NRG1: variants seen among roughly 807,000 people sequenced by gnomAD.
The protein encoded by NRG1 is neuregulin 1, also known as pro-neuregulin-1, membrane-bound isoform.
A neutral mutation model predicts 63.8 loss-of-function variants in NRG1; 18 were observed. The ratio of observed to expected loss-of-function variants is 0.28; its 90% CI spans 0.19 to 0.42. The LOEUF (loss-of-function observed/expected upper bound fraction) is 0.42, where lower values mean the gene tolerates loss of function less well. Ranked by LOEUF, NRG1 falls within the 10% of genes least tolerant of loss-of-function variation. The pLI, the probability that NRG1 is intolerant of heterozygous loss-of-function variation, is 1.00. For missense variants in NRG1, 762 were observed against 814.7 expected (o/e 0.94, Z 0.79); for synonymous variants, 302 against 301.3 (o/e 1.00, Z -0.02).
At chr8:31,982,562 A>G (rs1809321632) in intron 1 of NRG1, among the ~76,000 whole-genome samples, 1 of 152,050 alleles carries the variant, frequency 6.6e-6, no homozygotes, top group Admixed American at 6.6e-5. Context: ...AGGGATTTGG[A>G]GCATCTGGAG....
At chr8:32,017,915 C>T (rs776566553) in intron 1 of NRG1, among the ~76,000 whole-genome samples, 3 of 152,120 alleles carry the variant, frequency 2.0e-5, no homozygotes, top group Non-Finnish European at 4.4e-5. Context: ...CAGCCTGTCT[C>T]CCATCCCTGG....
intron 1 of NRG1, among the ~76,000 whole-genome samples, chr8:32,284,476 T>TG (rs1334930645): frequency 2.1e-4 from 29 of 140,218 alleles, no homozygotes; most frequent in African/African-American, 8.0e-4. Context: ...AATGCTTGCC[T>TG]CCCTGCCTGC....
At chr8:32,750,710 CAAA>C (rs34624230) in intron 7 of NRG1, among the ~76,000 whole-genome samples, 6 of 124,330 alleles carry the variant, frequency 4.8e-5, no homozygotes, top group Non-Finnish European at 6.6e-5. Flanking sequence ...ATTTCTTCCT[CAAA>C]AAAAAAAAAA....
intron 7 of NRG1, among the ~76,000 whole-genome samples, chr8:32,744,779 T>G (rs2129042722): frequency 6.6e-6 from 1 of 152,286 alleles, no homozygotes; most frequent in South Asian, 2.1e-4. Context: ...ATTATGTAGT[T>G]AGATCTGACA....
At chr8:32,542,059 T>TA (rs1438947107) in intron 1 of NRG1, among the ~76,000 whole-genome samples, 2 of 152,192 alleles carry the variant, frequency 1.3e-5, no homozygotes, top group Non-Finnish European at 2.9e-5. Flanking sequence ...ATCACTTTGT[T>TA]AGAGTATCTT....
chr8:32,372,427 C>T (rs977780253), intron 1 of NRG1, among the ~76,000 whole-genome samples: 1 of 152,086 alleles, frequency 6.6e-6, no homozygotes, highest in Non-Finnish European at 1.5e-5. Context: ...AAGTCACAAC[C>T]TAGATTGCAG....
intron 1 of NRG1, among the ~76,000 whole-genome samples, chr8:31,923,387 TG>T (rs1834073928): frequency 6.6e-6 from 1 of 152,172 alleles, no homozygotes; most frequent in South Asian, 2.1e-4. Context: ...ATATGACTTT[TG>T]AGAATACATT....
chr8:31,756,292 C>T (rs551365152), intron 1 of NRG1, among the ~76,000 whole-genome samples: 82 of 152,208 alleles, frequency 5.4e-4, no homozygotes, highest in African/African-American at 1.9e-3. Context: ...CTGTTATTTA[C>T]CCATCTCTGT....
chr8:32,233,563 A>ATATATATATATATATATT (rs34593729), intron 1 of NRG1, among the ~76,000 whole-genome samples: 1 of 67,254 alleles, frequency 1.5e-5, no homozygotes, highest in African/African-American at 7.8e-5. Flanking sequence ...ATATATATAT[A>ATATATATATATATATATT]TTTTTTTTTT....
chr8:32,458,019 G>A (rs1443910112), intron 1 of NRG1, among the ~76,000 whole-genome samples: 2 of 152,004 alleles, frequency 1.3e-5, no homozygotes, highest in Non-Finnish European at 2.9e-5. Context: ...CGGAATTCAA[G>A]CGATTCTCCT....
intron 1 of NRG1, among the ~76,000 whole-genome samples, chr8:31,831,551 T>A (rs1253821374): frequency 3.3e-5 from 5 of 152,206 alleles, no homozygotes; most frequent in Non-Finnish European, 7.3e-5. Context: ...AATTTATATA[T>A]CCTTATAATA....
At chr8:31,744,511 G>T (rs927315994) in intron 1 of NRG1, among the ~76,000 whole-genome samples, 1 of 151,976 alleles carries the variant, frequency 6.6e-6, no homozygotes, top group Non-Finnish European at 1.5e-5. Flanking sequence ...ATAGCAGGAA[G>T]GTTTACCTTC....
At chr8:32,131,297 A>T (rs1038279) in intron 1 of NRG1, among the ~76,000 whole-genome samples, 84,915 of 151,788 alleles carry the variant, frequency 0.56, 24,171 homozygotes, top group African/African-American at 0.61. Context: ...TAGAAATCCT[A>T]AAACAACTGG....
chr8:31,867,148 A>G (rs1829032583), intron 1 of NRG1, among the ~76,000 whole-genome samples: 1 of 152,158 alleles, frequency 6.6e-6, no homozygotes, highest in South Asian at 2.1e-4. Flanking sequence ...CTTAATAAGA[A>G]AGATGTTTCC....
chr8:31,747,011 G>T (rs1224814756), intron 1 of NRG1, among the ~76,000 whole-genome samples: 1 of 151,920 alleles, frequency 6.6e-6, no homozygotes, highest in Non-Finnish European at 1.5e-5. Flanking sequence ...CAGAGGCTGG[G>T]AAGGGTAGTG....
chr8:31,646,555 A>C (rs866428894), intron 1 of NRG1, among the ~76,000 whole-genome samples: 1 of 152,228 alleles, frequency 6.6e-6, no homozygotes, highest in African/African-American at 2.4e-5. Context: ...TTTATCTGGG[A>C]ATTGCCATTA....
intron 1 of NRG1, among the ~76,000 whole-genome samples, chr8:32,089,985 T>C (rs1308018625): frequency 1.3e-5 from 2 of 152,186 alleles, no homozygotes; most frequent in East Asian, 3.9e-4. Flanking sequence ...ACTCCTTTAT[T>C]ATTAATTTTT....
At chr8:31,775,979 T>C (rs1274106369) in intron 1 of NRG1, among the ~76,000 whole-genome samples, 2 of 152,106 alleles carry the variant, frequency 1.3e-5, no homozygotes, top group East Asian at 3.9e-4. Context: ...AGCTTTAGTC[T>C]TTGTGTTTTA....
At chr8:32,104,462 C>G (rs1830997458) in intron 1 of NRG1, among the ~76,000 whole-genome samples, 1 of 151,996 alleles carries the variant, frequency 6.6e-6, no homozygotes, top group South Asian at 2.1e-4. Flanking sequence ...TTTATAAACA[C>G]TATATTTAGG....
Sources: gnomAD v4.1 joint callset for allele counts (sites outside exome capture counted in the v4.1 genomes callset) on GRCh38, gnomAD v4.1.1 for gene constraint, MANE v1.5 for transcripts, NCBI Gene and HGNC (gene_info 2026-07-23, HGNC 2026-07-21) for gene names.